OXR1: variants seen among roughly 807,000 people sequenced by gnomAD.
OXR1 encodes the protein oxidation resistance protein 1.
Under a neutral mutation model 104.6 loss-of-function variants are expected in OXR1, and 41 were observed. The observed-to-expected ratio is 0.39, with a 90% CI of 0.31 to 0.51. OXR1 has a LOEUF of 0.51. OXR1 is among the 20% of genes least tolerant of loss of function. OXR1 has a pLI of 0.77. For missense variants in OXR1, 955 were observed against 1,031.9 expected (o/e 0.93, Z 1.02); for synonymous variants, 348 against 348.4 (o/e 1.00, Z 0.01).
At chr8:106,388,386 C>A (rs1004689800) in intron 2 of OXR1, among the ~76,000 whole-genome samples, 1 of 152,062 alleles carries the variant, frequency 6.6e-6, no homozygotes, top group African/African-American at 2.4e-5. Flanking sequence ...TGCTCTTATG[C>A]CATTTGTTAG....
At chr8:106,745,917 T>C (rs1364895392) in intron 16 of OXR1, 55 bp downstream of exon 16, 1 of 913,492 alleles carries the variant, frequency 1.1e-6, no homozygotes, top group Non-Finnish European at 1.8e-6. Flanking sequence ...AAAAATGCAT[T>C]TGGATTATTT....
intron 2 of OXR1, among the ~76,000 whole-genome samples, chr8:106,386,301 C>G (rs1817368613): frequency 6.6e-6 from 1 of 152,140 alleles, no homozygotes; most frequent in African/African-American, 2.4e-5. Flanking sequence ...GAAAATTGAA[C>G]TAGAAGGCTC....
At chr8:106,434,127 A>G (rs13279066) in intron 2 of OXR1, among the ~76,000 whole-genome samples, 34,389 of 143,624 alleles carry the variant, frequency 0.24, 5,407 homozygotes, top group African/African-American at 0.48. Flanking sequence ...TACCCTAATT[A>G]TGAATATTTT....
intron 2 of OXR1, among the ~76,000 whole-genome samples, chr8:106,384,118 G>T (rs1387605342): frequency 6.6e-6 from 1 of 152,180 alleles, no homozygotes; most frequent in East Asian, 1.9e-4. Flanking sequence ...CTGACAAAAT[G>T]ATGCTTGTCT....
intron 3 of OXR1, among the ~76,000 whole-genome samples, chr8:106,541,312 CA>C (rs1814934543): frequency 6.6e-6 from 1 of 152,202 alleles, no homozygotes; most frequent in Admixed American, 6.5e-5. Context: ...TAATGTGAAA[CA>C]AATTCGTATA....
intron 3 of OXR1, among the ~76,000 whole-genome samples, chr8:106,660,504 A>G (rs1328162196): frequency 2.0e-5 from 3 of 152,208 alleles, no homozygotes; most frequent in African/African-American, 7.2e-5. Context: ...CACACATGTA[A>G]ATTGACTGCA....
At chr8:106,749,246 G>C (rs1439589253) in intron 16 of OXR1, among the ~76,000 whole-genome samples, 1 of 151,724 alleles carries the variant, frequency 6.6e-6, no homozygotes, top group Non-Finnish European at 1.5e-5. Flanking sequence ...GGGAGGCTAA[G>C]GCAGGAGAAT....
chr8:106,750,185 C>A (rs1289202461), intron 16 of OXR1, among the ~76,000 whole-genome samples: 2 of 150,740 alleles, frequency 1.3e-5, no homozygotes, highest in Non-Finnish European at 1.5e-5. Context: ...AAAAAAAATA[C>A]CCAAAGAAAA....
At chr8:106,726,697 T>A (rs1833378082) in intron 11 of OXR1, among the ~76,000 whole-genome samples, 2 of 152,284 alleles carry the variant, frequency 1.3e-5, no homozygotes, top group South Asian at 4.1e-4. Context: ...CAAACCAGAT[T>A]CTTTTATGAT....
intron 10 of OXR1, among the ~76,000 whole-genome samples, chr8:106,711,325 A>G (rs1435367965): frequency 6.6e-6 from 1 of 152,112 alleles, no homozygotes; most frequent in Non-Finnish European, 1.5e-5. Flanking sequence ...TGTTACTTAT[A>G]CCCAGTAGAA....
chr8:106,343,017 C>G (rs1815320175), intron 1 of OXR1, among the ~76,000 whole-genome samples: 1 of 152,208 alleles, frequency 6.6e-6, no homozygotes. Context: ...CCTTGCTTTT[C>G]TTCACTCTGC....
intron 1 of OXR1, among the ~76,000 whole-genome samples, chr8:106,284,883 T>C (rs1462588430): frequency 6.6e-6 from 1 of 152,182 alleles, no homozygotes; most frequent in Non-Finnish European, 1.5e-5. Flanking sequence ...TATTTGAACT[T>C]TATTATAAAG....
intron 11 of OXR1, among the ~76,000 whole-genome samples, chr8:106,736,009 T>C (rs776936): frequency 0.13 from 20,057 of 152,166 alleles, 1,591 homozygotes; most frequent in Non-Finnish European, 0.18. Context: ...ATATGAATAA[T>C]AGTAGTTCTC....
At chr8:106,316,297 A>G (rs1030546505) in intron 1 of OXR1, among the ~76,000 whole-genome samples, 4 of 152,212 alleles carry the variant, frequency 2.6e-5, no homozygotes, top group African/African-American at 9.6e-5. Flanking sequence ...CCAGGTTAAT[A>G]AAAATAGCCA....
chr8:106,648,900 A>G (rs1271303927), intron 3 of OXR1, among the ~76,000 whole-genome samples: 1 of 152,214 alleles, frequency 6.6e-6, no homozygotes. Context: ...AAGTAAAAAT[A>G]TTTGTATAAA....
Position 106,702,974 on chromosome 8 carries a change from T to G in OXR1, c.744T>G (p.Pro248=). 6 of 1,613,728 alleles carry G rather than the reference T, an allele frequency of 3.7e-6. No homozygotes were observed. In the South Asian group the frequency reaches 5.5e-5, roughly 15 times the overall value. Residue 248 remains proline (P), a synonymous_variant, in exon 8 of 17, where the codon CCT becomes CCG. Coordinates refer to ENST00000517566, the MANE Select transcript of OXR1 (RefSeq NM_001198533.2). ...TGTTTGATCCACATAAAAATGACCC[T>G]TTGGTTCAAGAGAATGGCTGTGAGG... ...NIMFDPHKND[P]LVQENGCEEY... is the part of the protein sequence containing the mutation.
chr8:106,587,935 C>T (rs953836034), intron 3 of OXR1, among the ~76,000 whole-genome samples: 1 of 151,588 alleles, frequency 6.6e-6, no homozygotes, highest in Non-Finnish European at 1.5e-5. Flanking sequence ...ACCAGTTGAA[C>T]CATCTTCTAA....
At chr8:106,713,529 A>G (rs985817441) in intron 10 of OXR1, among the ~76,000 whole-genome samples, 16 of 151,958 alleles carry the variant, frequency 1.1e-4, no homozygotes, top group African/African-American at 3.4e-4. Flanking sequence ...TTCCTTTTCC[A>G]TCACTAGTGT....
intron 2 of OXR1, among the ~76,000 whole-genome samples, chr8:106,440,067 A>G (rs1442735088): frequency 6.6e-6 from 1 of 152,096 alleles, no homozygotes; most frequent in African/African-American, 2.4e-5. Flanking sequence ...TAAATGGAAA[A>G]AAGTCTGCTC....
Sources: allele counts gnomAD v4.1 joint callset (sites outside exome capture counted in the v4.1 genomes callset), GRCh38; gene constraint gnomAD v4.1.1; transcripts MANE v1.5; gene names NCBI Gene and HGNC (gene_info 2026-07-23, HGNC 2026-07-21).